The following PCDH15 variants were observed in gnomAD, a reference collection of about 807,000 sequenced individuals.
The protein encoded by PCDH15 is protocadherin-15.
In PCDH15, 129 loss-of-function variants were observed where a neutral mutation model predicts 178.5. That is an observed-to-expected ratio of 0.72 (90% CI 0.63 to 0.84). The LOEUF is 0.84. Ranked by LOEUF, PCDH15 falls within the 40% of genes least tolerant of loss-of-function variation. The probability of loss-of-function intolerance (pLI) is 0.00; values close to 1 mark genes in which losing one functional copy is unlikely to be tolerated. For synonymous variants in PCDH15, 800 were observed against 732.0 expected (o/e 1.09, Z -1.50); for missense variants, 2,230 against 2,099.9 (o/e 1.06, Z -1.21).
intron 2 of PCDH15, among the ~76,000 whole-genome samples, chr10:54,912,475 C>G (rs1428233777): frequency 6.6e-6 from 1 of 152,140 alleles, no homozygotes; most frequent in African/African-American, 2.4e-5. Context: ...GAAGATATGC[C>G]TGCTTCCACT....
chr10:55,620,110 C>T (rs1245143623), intron 2 of PCDH15, among the ~76,000 whole-genome samples: 1 of 151,962 alleles, frequency 6.6e-6, no homozygotes, highest in African/African-American at 2.4e-5. Context: ...CCAAATTTAA[C>T]CCGTTATTTT....
At chr10:55,564,371 A>G (rs1429397404) in intron 2 of PCDH15, among the ~76,000 whole-genome samples, 1 of 151,690 alleles carries the variant, frequency 6.6e-6, no homozygotes, top group Non-Finnish European at 1.5e-5. Flanking sequence ...GGTACCCACA[A>G]AGAAAATAAT....
intron 1 of PCDH15, among the ~76,000 whole-genome samples, chr10:54,670,571 GA>G (rs934504559): frequency 3.3e-5 from 5 of 151,932 alleles, no homozygotes; most frequent in African/African-American, 1.2e-4. Context: ...TGTCTTCATG[GA>G]AAAAAACTAA....
chr10:54,390,489 G>T (rs571780682), intron 3 of PCDH15, among the ~76,000 whole-genome samples: 2 of 152,150 alleles, frequency 1.3e-5, no homozygotes, highest in South Asian at 4.2e-4. Context: ...TAGAGACAGG[G>T]TTTCACCATG....
intron 18 of PCDH15, among the ~76,000 whole-genome samples, chr10:54,025,997 A>G (rs2093075593): frequency 6.6e-6 from 1 of 152,048 alleles, no homozygotes; most frequent in Non-Finnish European, 1.5e-5. Flanking sequence ...ACCTTGATAT[A>G]TGTGTGTGCA....
intron 20 of PCDH15, among the ~76,000 whole-genome samples, chr10:53,997,049 T>C (rs1373805968): frequency 6.6e-6 from 1 of 152,162 alleles, no homozygotes; most frequent in African/African-American, 2.4e-5. Context: ...CAAACAATGC[T>C]TCCTTTTATA....
intron 26 of PCDH15, among the ~76,000 whole-genome samples, chr10:53,897,216 G>T (rs1054206862): frequency 2.6e-5 from 4 of 152,084 alleles, no homozygotes; most frequent in African/African-American, 9.7e-5. Flanking sequence ...CTCCTGACAG[G>T]CTGAGAGGAT....
chr10:54,664,078 C>T, intron 2 of PCDH15, 94 bp downstream of exon 2: 1 of 967,054 alleles, frequency 1.0e-6, no homozygotes, highest in East Asian at 2.6e-5. Context: ...CAATCATAAA[C>T]TACAAATTAG....
intron 2 of PCDH15, among the ~76,000 whole-genome samples, chr10:54,654,069 G>A (rs1470318288): frequency 5.3e-5 from 8 of 152,122 alleles, no homozygotes; most frequent in African/African-American, 1.9e-4. Context: ...GTGTGCAATA[G>A]ATCACTGAAG....
intron 1 of PCDH15, among the ~76,000 whole-genome samples, chr10:55,226,124 T>A (rs1348816554): frequency 6.6e-6 from 1 of 152,068 alleles, no homozygotes; most frequent in Non-Finnish European, 1.5e-5. Flanking sequence ...TTAATAAGGC[T>A]TGAACAAACA....
At chr10:54,831,103 A>C (rs1437300018) in intron 3 of PCDH15, among the ~76,000 whole-genome samples, 12 of 152,114 alleles carry the variant, frequency 7.9e-5, no homozygotes, top group Admixed American at 7.9e-4. Flanking sequence ...TAATTTAATA[A>C]ATTCTAATAA....
chr10:54,861,371 A>T (rs1469682447), intron 3 of PCDH15, among the ~76,000 whole-genome samples: 1 of 152,186 alleles, frequency 6.6e-6, no homozygotes, highest in African/African-American at 2.4e-5. Context: ...TACCTAGAGG[A>T]AATAAATAAA....
intron 1 of PCDH15, among the ~76,000 whole-genome samples, chr10:55,191,439 TTTG>T (rs1441470786): frequency 6.6e-6 from 1 of 151,790 alleles, no homozygotes; most frequent in Non-Finnish European, 1.5e-5. Flanking sequence ...CTAGCATAAT[TTTG>T]TTATTTTATG....
chr10:53,998,888 C>A (rs1008854728), intron 20 of PCDH15, among the ~76,000 whole-genome samples: 1 of 151,700 alleles, frequency 6.6e-6, no homozygotes, highest in African/African-American at 2.4e-5. Context: ...TGTGTCTCTA[C>A]TAAAAATACA....
chr10:55,434,947 CTAATTTTAAGATT>C (rs1168164234), intron 2 of PCDH15, among the ~76,000 whole-genome samples: 3 of 152,060 alleles, frequency 2.0e-5, no homozygotes, highest in African/African-American at 7.2e-5. Flanking sequence ...AGTCAAAAAT[CTAATTTTAAGATT>C]TACTTATTTT....
At chr10:54,787,644 G>A (rs375870615) in intron 1 of PCDH15, among the ~76,000 whole-genome samples, 63 of 151,978 alleles carry the variant, frequency 4.1e-4, no homozygotes, top group African/African-American at 1.3e-3. Flanking sequence ...TTCCCTTCAT[G>A]GGGCAGAAAA....
rs149481355 is a variant in PCDH15, at chr10:54,142,676, G to A, written c.1785-9669C>T. Among the ~76,000 whole-genome samples, 867 of 152,144 alleles carry A rather than the reference G, an allele frequency of 5.7e-3. 5 individuals carry two copies. The highest frequency in any genetic ancestry group is 0.019 in the African/African-American group (799 of 41,548). Reference sequence around the variant, plus strand: ...AAGGCTATAAGAACTTTGTCAAACTGATTAAAATTAGATAGATTTGTTTAT... The same window carrying A: ...AAGGCTATAAGAACTTTGTCAAACTAATTAAAATTAGATAGATTTGTTTAT... On this transcript the variant is annotated intron_variant, in intron 14 of 37. Coordinates refer to ENST00000644397, the MANE Select transcript of PCDH15 (RefSeq NM_001384140.1).
intron 3 of PCDH15, among the ~76,000 whole-genome samples, chr10:54,488,130 A>G (rs1225962561): frequency 2.0e-5 from 3 of 151,816 alleles, no homozygotes; most frequent in Non-Finnish European, 4.4e-5. Context: ...TGAAATTCCT[A>G]AACTTTTCAT....
intron 2 of PCDH15, among the ~76,000 whole-genome samples, chr10:55,367,843 C>T (rs1588959521): frequency 6.6e-6 from 1 of 152,074 alleles, no homozygotes; most frequent in African/African-American, 2.4e-5. Flanking sequence ...TTTAGTTTTC[C>T]TACCTAGGAA....
Sources: gnomAD v4.1 joint callset for allele counts (sites outside exome capture counted in the v4.1 genomes callset) on GRCh38, gnomAD v4.1.1 for gene constraint, MANE v1.5 for transcripts, NCBI Gene and HGNC (gene_info 2026-07-23, HGNC 2026-07-21) for gene names.